The following ANKRD45 variants were observed in gnomAD, a reference collection of about 807,000 sequenced individuals.
ANKRD45 encodes the protein ankyrin repeat domain-containing protein 45.
In ANKRD45, 21 loss-of-function variants were observed where a neutral mutation model predicts 28.1. The observed-to-expected ratio is 0.75, with a 90% CI of 0.53 to 1.08. ANKRD45 has a LOEUF of 1.08. Ranked by LOEUF, ANKRD45 falls within the 50% of genes least tolerant of loss-of-function variation. The pLI is 0.00. For missense variants in ANKRD45, 261 were observed against 308.7 expected (o/e 0.85, Z 1.16); for synonymous variants, 86 against 103.9 (o/e 0.83, Z 1.05).
upstream of ANKRD45, chr1:173,669,968 C>G (rs1670199662): frequency 5.9e-6 from 1 of 168,658 alleles, no homozygotes; most frequent in African/African-American, 2.4e-5. Context: ...CAGGAATTAT[C>G]TATAATTTCA....
In ANKRD45 at chr1:173,613,564, C is replaced by CCCCCG. The variant is rs1553264309; in HGVS notation, c.731-3350_731-3349insCGGGG. On this transcript the variant is annotated intron_variant, in intron 5 of 5. Transcript: ENST00000333279. ...TCCGGGAGGGAGGTGGGGGGTCAGC[C>CCCCCG]CCCCCCCCGGCCAGCCGCCCCGTCC... 5.0e-4 allele frequency among the ~76,000 whole-genome samples: 60 copies of CCCCCG among 118,970 alleles called. 3 individuals carry two copies. The highest frequency in any genetic ancestry group is 3.6e-3 in the African/African-American group (54 of 15,116). The allele number at this position is 118,970 out of a possible 152,430, so 78.0% of individuals were successfully genotyped here.
At chr1:173,641,234 A>G (rs753746580) in intron 3 of ANKRD45, among the ~76,000 whole-genome samples, 6 of 152,220 alleles carry the variant, frequency 3.9e-5, no homozygotes, top group Non-Finnish European at 8.8e-5. Flanking sequence ...TCGCACTTTA[A>G]ATAAAAGCGA....
chr1:173,666,341 T>C (rs1670016528), intron 1 of ANKRD45, among the ~76,000 whole-genome samples: 1 of 152,206 alleles, frequency 6.6e-6, no homozygotes, highest in African/African-American at 2.4e-5. Context: ...ACCAATTCCT[T>C]ATAATAAATT....
At chr1:173,649,128 C>T (rs1279089756) in intron 2 of ANKRD45, among the ~76,000 whole-genome samples, 1 of 152,032 alleles carries the variant, frequency 6.6e-6, no homozygotes, top group Admixed American at 6.5e-5. Flanking sequence ...TTTATCTACC[C>T]TTCTATTGTT....
At chr1:173,612,319 A>AGAAGGAAAGAAGGAAGGAAGGAAGGAAG in intron 5 of ANKRD45, among the ~76,000 whole-genome samples, 1 of 130,328 alleles carries the variant, frequency 7.7e-6, no homozygotes, top group South Asian at 2.6e-4. Flanking sequence ...AAGGAAGGAA[A>AGAAGGAAAGAAGGAAGGAAGGAAGGAAG]GAAGGAAGGA....
the ANKRD45 span, among the ~76,000 whole-genome samples, chr1:173,709,348 G>A: frequency 3.3e-5 from 5 of 152,202 alleles, no homozygotes; most frequent in African/African-American, 1.2e-4. Context: ...GCTTCTCACA[G>A]GGCAGCTCAC....
At chr1:173,706,604 G>A in the ANKRD45 span, among the ~76,000 whole-genome samples, 1 of 152,012 alleles carries the variant, frequency 6.6e-6, no homozygotes, top group African/African-American at 2.4e-5. Context: ...CTCCCAAAGT[G>A]CTGGGATTAT....
chr1:173,677,408 G>A, the ANKRD45 span, among the ~76,000 whole-genome samples: 1 of 151,912 alleles, frequency 6.6e-6, no homozygotes, highest in Non-Finnish European at 1.5e-5. Flanking sequence ...TCTGACACAG[G>A]GGCTCATATG....
At position 173,639,960 on chromosome 1, in the gene ANKRD45, T is replaced by C. The variant is rs369772980; in HGVS notation, c.496+6886A>G. Among the ~76,000 whole-genome samples, 12 of 152,270 alleles carry C rather than the reference T, an allele frequency of 7.9e-5. 1 individual carries two copies. Among genetic ancestry groups the C allele is most frequent in the African/African-American group, 2.9e-4 (12 of 41,548 alleles). The stretch of plus-strand genomic sequence containing the variant: ...AGGTTTTAAACATTAGATGGGAGTA[T>C]CATACCCCTTGGCATCCACCTTCAT... On this transcript the variant is annotated intron_variant, in intron 3 of 5. Coordinates refer to ENST00000333279, the MANE Select transcript of ANKRD45 (RefSeq NM_198493.3).
rs1195487410 is a variant in ANKRD45, at chr1:173,659,710, A to G, written c.-15-277T>C. ...AGAAACAGGAGAAGAAAGAGATCAT[A>G]TGATCTAAATTCATTAGGAAGAGAT... On this transcript the variant is annotated intron_variant, in intron 1 of 5. Transcript: ENST00000333279. Among the ~76,000 whole-genome samples, 4 of 152,206 alleles carry G rather than the reference A, an allele frequency of 2.6e-5. No homozygotes were observed. The East Asian group carries it at 7.7e-4, about 29-fold the overall frequency.
At chr1:173,628,089 C>A (rs931812796) in intron 3 of ANKRD45, among the ~76,000 whole-genome samples, 1 of 151,712 alleles carries the variant, frequency 6.6e-6, no homozygotes, top group African/African-American at 2.4e-5. Flanking sequence ...CACCTGCTGA[C>A]TAAAGAGCCC....
the ANKRD45 span, among the ~76,000 whole-genome samples, chr1:173,696,157 G>GTC: frequency 5.9e-4 from 90 of 152,164 alleles, no homozygotes; most frequent in African/African-American, 2.1e-3. Flanking sequence ...AACATGTGAT[G>GTC]TCTCCCCCGG....
At chr1:173,701,577 C>A in the ANKRD45 span, among the ~76,000 whole-genome samples, 1 of 152,098 alleles carries the variant, frequency 6.6e-6, no homozygotes, top group African/African-American at 2.4e-5. Flanking sequence ...GGACAGAAAA[C>A]CAAACATGAC....
intron 3 of ANKRD45, among the ~76,000 whole-genome samples, chr1:173,627,679 AT>A (rs901656094): frequency 1.6e-4 from 24 of 152,168 alleles, no homozygotes; most frequent in African/African-American, 5.8e-4. Context: ...TCCTAAATAA[AT>A]TTGAAAGGCC....
chr1:173,660,322 T>A (rs1248604708), intron 1 of ANKRD45, among the ~76,000 whole-genome samples: 7 of 152,140 alleles, frequency 4.6e-5, no homozygotes, highest in African/African-American at 1.7e-4. Context: ...GCATCACTGT[T>A]CACAACAGCA....
chr1:173,636,329 T>C (rs1668440706), intron 3 of ANKRD45, among the ~76,000 whole-genome samples: 2 of 152,198 alleles, frequency 1.3e-5, no homozygotes, highest in African/African-American at 4.8e-5. Flanking sequence ...GAAATGGAGC[T>C]TTTAAACTAT....
the ANKRD45 span, among the ~76,000 whole-genome samples, chr1:173,682,037 A>G: frequency 3.8e-3 from 569 of 150,002 alleles, 4 homozygotes; most frequent in African/African-American, 0.012. Context: ...CAACAGAGTG[A>G]GACTCTGTCT....
chr1:173,675,981 C>T, the ANKRD45 span, among the ~76,000 whole-genome samples: 1 of 152,208 alleles, frequency 6.6e-6, no homozygotes, highest in Non-Finnish European at 1.5e-5. Flanking sequence ...TTCCTCTCCT[C>T]TCAATGTTCC....
the ANKRD45 span, among the ~76,000 whole-genome samples, chr1:173,676,834 CA>C: frequency 7.3e-3 from 721 of 98,800 alleles, 5 homozygotes; most frequent in Middle Eastern, 0.024. Flanking sequence ...GACTCCATCT[CA>C]AAAAAAAAAA....
Sources: allele counts gnomAD v4.1 joint callset (sites outside exome capture counted in the v4.1 genomes callset), GRCh38; gene constraint gnomAD v4.1.1; transcripts MANE v1.5; gene names NCBI Gene and HGNC (gene_info 2026-07-23, HGNC 2026-07-21).